The following SLC9A3 variants were observed in gnomAD, a reference collection of about 807,000 sequenced individuals.
SLC9A3 encodes the protein solute carrier family 9 member A3.
A neutral mutation model predicts 86.8 loss-of-function variants in SLC9A3; 37 were observed. The ratio of observed to expected loss-of-function variants is 0.43; its 90% CI spans 0.33 to 0.56. The LOEUF is 0.56. Ranked by LOEUF, SLC9A3 falls within the 20% of genes least tolerant of loss-of-function variation. The pLI, the probability that SLC9A3 is intolerant of heterozygous loss-of-function variation, is 0.06. For missense variants in SLC9A3, 1,011 were observed against 1,171.9 expected (o/e 0.86, Z 2.00); for synonymous variants, 581 against 528.3 (o/e 1.10, Z -1.37).
intron 1 of SLC9A3, among the ~76,000 whole-genome samples, chr5:511,983 T>C (rs1276557713): frequency 6.6e-6 from 1 of 152,170 alleles, no homozygotes; most frequent in Non-Finnish European, 1.5e-5. Flanking sequence ...ACAGATGCAA[T>C]GACTAAGTGA....
At chr5:481,934 G>A (rs1739204015) in intron 8 of SLC9A3, 134 bp downstream of exon 8, 1 of 317,496 alleles carries the variant, frequency 3.1e-6, no homozygotes, top group Non-Finnish European at 5.9e-6. Context: ...CTCCCCTCCT[G>A]GCCCAGCCCC....
rs368000761 is a variant in SLC9A3, at chr5:496,758, C to T, written c.212-4687G>A. ...AATAAAGGCACTCAATTAAATTTTCCTTGAAGGCTGGACTTAGTGGTTCAC... is the reference window on the plus strand; with the variant it reads ...AATAAAGGCACTCAATTAAATTTTCTTTGAAGGCTGGACTTAGTGGTTCAC... On this transcript the variant is annotated intron_variant, in intron 1 of 16. Transcript: ENST00000264938. This position sits in a 1 kb window ranked among gnomAD's most constrained non-coding sequence, Gnocchi z 4.7. Among the ~76,000 whole-genome samples the T allele has an allele frequency of 7.9e-5, 12 of 152,208 alleles. No individual in the cohort carries two copies. Among genetic ancestry groups the T allele is most frequent in the African/African-American group, 2.9e-4 (12 of 41,528 alleles).
chr5:474,016 C>A (rs1738552950), intron 16 of SLC9A3, among the ~76,000 whole-genome samples: 1 of 152,244 alleles, frequency 6.6e-6, no homozygotes, highest in South Asian at 2.1e-4. Flanking sequence ...GCAGAGACGC[C>A]AGAGTATCTC....
At chr5:475,972 G>T in intron 14 of SLC9A3, 48 bp downstream of exon 14, 6 of 1,492,734 alleles carry the variant, frequency 4.0e-6, no homozygotes, top group Non-Finnish European at 5.5e-6. Context: ...CTGGGGCTGG[G>T]AGGTGGTGGC....
At position 520,444 on chromosome 5, in the gene SLC9A3, C is replaced by T. The variant is rs375031615; in HGVS notation, c.211+3668G>A. The stretch of plus-strand genomic sequence containing the variant: ...AACAGGATGGGGCCAGGAGGTCTGG[C>T]CCCTGCTGTGTCACTGATGACCCTG... On this transcript the variant is annotated intron_variant, in intron 1 of 16. Transcript: ENST00000264938. Among the ~76,000 whole-genome samples, 8 of 152,132 alleles carry T rather than the reference C, an allele frequency of 5.3e-5. No individual in the cohort carries two copies. The East Asian group carries it at 7.7e-4, about 15-fold the overall frequency.
At position 471,889 on chromosome 5, in the gene SLC9A3, G is replaced by C. The variant is rs954522102; in HGVS notation, c.*1490C>G. 1 of 456,282 alleles carries C rather than the reference G, an allele frequency of 2.2e-6. No homozygotes were observed. Among genetic ancestry groups the C allele is most frequent in the Non-Finnish European group, 4.4e-6 (1 of 226,802 alleles). 28.3% of individuals were successfully genotyped at this position (456,282 alleles called of 1,614,324 possible). ...GACTTTTCCCACCAGGGACTCAATG[G>C]GGACTCAATGTGCAATATTCAGTCA... On this transcript the variant is annotated 3_prime_UTR_variant, in exon 17 of 17. Coordinates refer to ENST00000264938, the MANE Select transcript of SLC9A3 (RefSeq NM_004174.4).
intron 1 of SLC9A3, among the ~76,000 whole-genome samples, chr5:521,070 C>G (rs778717226): frequency 2.6e-5 from 4 of 152,276 alleles, no homozygotes; most frequent in Admixed American, 6.5e-5. Flanking sequence ...GCCGCCTCCA[C>G]TGCTAAAGAC....
chr5:485,130 C>G, intron 4 of SLC9A3, 23 bp downstream of exon 4: 1 of 1,586,660 alleles, frequency 6.3e-7, no homozygotes, highest in Non-Finnish European at 8.7e-7. Context: ...GCCGCCCACT[C>G]CCCCTGACCC....
Position 475,150 on chromosome 5 carries a change from G to A in SLC9A3, c.2252-18C>T, listed in dbSNP as rs201352986. ...GTCAATTCCTAGGAGAGAGGGCAGC[G>A]GCTAGTCAGCCTTCGGAGAGCCCCA... On this transcript the variant is annotated intron_variant, in intron 15 of 16. Coordinates refer to ENST00000264938, the MANE Select transcript of SLC9A3 (RefSeq NM_004174.4). The A allele has an allele frequency of 1.1e-3, 1,653 of 1,555,768 alleles. 16 individuals carry two copies. The South Asian group carries it at 0.011, about 11-fold the overall frequency.
At position 516,921 on chromosome 5, in the gene SLC9A3, G is replaced by C. The variant is rs900359828; in HGVS notation, c.211+7191C>G. On this transcript the variant is annotated intron_variant, in intron 1 of 16. Transcript: ENST00000264938. Reference sequence around the variant, plus strand: ...ATAATTCAGCCGAGGAGCTGAGACAGCCTCTTCCTGGGCCCAGTGTCCAGA... The same window carrying C: ...ATAATTCAGCCGAGGAGCTGAGACACCCTCTTCCTGGGCCCAGTGTCCAGA... 2.6e-5 allele frequency among the ~76,000 whole-genome samples: 4 copies of C among 152,206 alleles called. No individual in the cohort carries two copies. The South Asian group carries it at 8.3e-4, about 31-fold the overall frequency.
At chr5:482,340 CCA>C (rs1345056050) in intron 7 of SLC9A3, among the ~76,000 whole-genome samples, 183 bp from the exon 8 acceptor site, 33 of 152,156 alleles carry the variant, frequency 2.2e-4, no homozygotes, top group Non-Finnish European at 2.9e-5. Flanking sequence ...GCCTCATCCA[CCA>C]GCGAAGGCCC....
At chr5:495,091 AGG>A (rs1739961167) in intron 1 of SLC9A3, among the ~76,000 whole-genome samples, 1 of 125,602 alleles carries the variant, frequency 8.0e-6, no homozygotes, top group Non-Finnish European at 1.9e-5. Context: ...GCGTGTCCCC[AGG>A]TGGGGGGGCG....
chr5:508,344 G>C (rs1250295742), intron 1 of SLC9A3, among the ~76,000 whole-genome samples: 1 of 149,148 alleles, frequency 6.7e-6, no homozygotes, highest in African/African-American at 2.5e-5. Flanking sequence ...ATGCCGCAGG[G>C]AGACGCAGGC....
intron 1 of SLC9A3, among the ~76,000 whole-genome samples, chr5:519,059 G>C (rs1302223335): frequency 6.6e-6 from 1 of 152,176 alleles, no homozygotes; most frequent in East Asian, 1.9e-4. Context: ...ATTCTCCGTG[G>C]GCAGCTCCTG....
intron 8 of SLC9A3, among the ~76,000 whole-genome samples, 200 bp from the exon 9 acceptor site, chr5:481,835 ACG>A (rs1739191406): frequency 1.1e-5 from 1 of 89,968 alleles, no homozygotes; most frequent in Non-Finnish European, 2.2e-5. Flanking sequence ...CCCCAGACCA[ACG>A]CAGCCTCCTC....
At position 497,030 on chromosome 5, in the gene SLC9A3, G is replaced by A. The variant is rs1305606303; in HGVS notation, c.212-4959C>T. On this transcript the variant is annotated intron_variant, in intron 1 of 16. Transcript: ENST00000264938. This position sits in a 1 kb window ranked among gnomAD's most constrained non-coding sequence, Gnocchi z 5.4. ...AGATCACACCACTACATTCCAGCCT[G>A]GGCGACGGAGGCCTTGTCTCAAAAA... Among the ~76,000 whole-genome samples the A allele has an allele frequency of 6.6e-6, 1 of 152,176 alleles. No homozygotes were observed. Among genetic ancestry groups the A allele is most frequent in the Non-Finnish European group, 1.5e-5 (1 of 68,026 alleles).
chr5:486,253 G>A (rs538947872), intron 3 of SLC9A3, among the ~76,000 whole-genome samples: 10 of 152,290 alleles, frequency 6.6e-5, no homozygotes, highest in East Asian at 3.9e-4. Flanking sequence ...AGCACGGGGC[G>A]GGGGCAGTGT....
intron 16 of SLC9A3, among the ~76,000 whole-genome samples, 193 bp from the exon 17 acceptor site, chr5:473,575 C>T (rs1343243176): frequency 6.6e-6 from 1 of 152,104 alleles, no homozygotes; most frequent in Non-Finnish European, 1.5e-5. Flanking sequence ...GCAGCAACAG[C>T]GAAGCCCCAG....
chr5:477,035 A>G, intron 11 of SLC9A3: 1 of 504,846 alleles, frequency 2.0e-6, no homozygotes, highest in Non-Finnish European at 3.6e-6. Context: ...GGGCCGGAGG[A>G]GCAGTAAGGG....
Sources: allele counts gnomAD v4.1 joint callset (sites outside exome capture counted in the v4.1 genomes callset), GRCh38; gene constraint gnomAD v4.1.1; non-coding constraint Gnocchi (gnomAD v3.1); transcripts MANE v1.5; gene names NCBI Gene and HGNC (gene_info 2026-07-23, HGNC 2026-07-21).